TBC1D5: variants seen among roughly 807,000 people sequenced by gnomAD.
The protein encoded by TBC1D5 is TBC1 domain family, member 5.
TBC1D5 carries 75 observed loss-of-function variants against 100.3 expected under a neutral mutation model. The ratio of observed to expected loss-of-function variants is 0.75; its 90% CI spans 0.62 to 0.91. TBC1D5 has a LOEUF of 0.91. Among genes scored for constraint, TBC1D5 ranks in the 40% least tolerant of loss-of-function variants. The pLI is 0.00. For synonymous variants in TBC1D5, 323 were observed against 325.6 expected (o/e 0.99, Z 0.09); for missense variants, 910 against 942.4 (o/e 0.97, Z 0.45).
At chr3:17,413,895 A>G (rs1403202497) in intron 4 of TBC1D5, among the ~76,000 whole-genome samples, 2 of 152,224 alleles carry the variant, frequency 1.3e-5, no homozygotes, top group Admixed American at 1.3e-4. Context: ...AAGACTGAAG[A>G]TCTCTAATCA....
intron 8 of TBC1D5, among the ~76,000 whole-genome samples, chr3:17,389,095 C>G (rs1004622058): frequency 6.6e-6 from 1 of 152,046 alleles, no homozygotes; most frequent in African/African-American, 2.4e-5. Context: ...TCCTTCTTCT[C>G]TTTTTTATCT....
At chr3:17,422,895 T>C (rs1474715440) in intron 4 of TBC1D5, among the ~76,000 whole-genome samples, 1 of 152,190 alleles carries the variant, frequency 6.6e-6, no homozygotes, top group African/African-American at 2.4e-5. Context: ...CATACAAATC[T>C]TTGTGCCAAA....
chr3:17,230,741 T>C (rs2148878427), intron 17 of TBC1D5, among the ~76,000 whole-genome samples: 1 of 152,274 alleles, frequency 6.6e-6, no homozygotes, highest in South Asian at 2.1e-4. Context: ...CTAAAATTCT[T>C]TCCTAATGGT....
intron 13 of TBC1D5, among the ~76,000 whole-genome samples, chr3:17,334,901 T>G (rs550473531): frequency 6.6e-5 from 10 of 152,242 alleles, no homozygotes; most frequent in Admixed American, 2.0e-4. Flanking sequence ...AACATTATAC[T>G]CAATTTTGGG....
At chr3:17,166,894 T>G in exon 21 of TBC1D5, 1 of 1,613,468 alleles carries the variant, frequency 6.2e-7, no homozygotes, top group Non-Finnish European at 8.5e-7. Flanking sequence ...CTGGCTCTGG[T>G]TAAAACGCAG....
At chr3:17,241,019 T>C (rs2076264168) in intron 16 of TBC1D5, among the ~76,000 whole-genome samples, 1 of 152,164 alleles carries the variant, frequency 6.6e-6, no homozygotes, top group African/African-American at 2.4e-5. Flanking sequence ...CATTTTTTTG[T>C]GTGTTTTTAA....
intron 15 of TBC1D5, among the ~76,000 whole-genome samples, chr3:17,263,512 T>C (rs1018301319): frequency 1.8e-4 from 27 of 152,198 alleles, no homozygotes; most frequent in African/African-American, 6.3e-4. Context: ...AAATAAGTCT[T>C]TCACAAGATT....
chr3:17,572,448 C>T (rs2096633351), intron 2 of TBC1D5, among the ~76,000 whole-genome samples: 1 of 151,980 alleles, frequency 6.6e-6, no homozygotes, highest in Non-Finnish European at 1.5e-5. Context: ...CTCTCTCTCT[C>T]CCTTCTGGGC....
intron 3 of TBC1D5, among the ~76,000 whole-genome samples, chr3:17,462,493 A>AT (rs1241704534): frequency 6.6e-6 from 1 of 151,566 alleles, no homozygotes; most frequent in Non-Finnish European, 1.5e-5. Flanking sequence ...GCTAATTTTT[A>AT]TTTTTTTGTA....
chr3:17,365,641 A>G (rs545880333), intron 13 of TBC1D5, among the ~76,000 whole-genome samples: 1 of 152,224 alleles, frequency 6.6e-6, no homozygotes, highest in East Asian at 1.9e-4. Flanking sequence ...TGTGGACCTT[A>G]GGCTCTCCAG....
Position 17,399,249 on chromosome 3 carries a change from A to G in TBC1D5, c.509+3932T>C, listed in dbSNP as rs544113065. 9.2e-5 allele frequency among the ~76,000 whole-genome samples: 14 copies of G among 152,248 alleles called. No individual in the cohort carries two copies. The South Asian group carries it at 1.7e-3, about 18-fold the overall frequency. On this transcript the variant is annotated intron_variant, in intron 8 of 21. Coordinates refer to ENST00000253692, the Ensembl canonical transcript of TBC1D5. ...TCTGGATTAGGCAAATAGAGTGATTATAAATCTGCTTTGAGTAGAGTGATT... is the reference window on the plus strand; with the variant it reads ...TCTGGATTAGGCAAATAGAGTGATTGTAAATCTGCTTTGAGTAGAGTGATT...
At chr3:17,715,087 T>C (rs1318364782) in intron 1 of TBC1D5, among the ~76,000 whole-genome samples, 3 of 152,256 alleles carry the variant, frequency 2.0e-5, no homozygotes, top group African/African-American at 4.8e-5. Flanking sequence ...ATTTGTAAAG[T>C]AGATCTTATT....
chr3:17,191,379 T>C (rs75332206), intron 18 of TBC1D5, among the ~76,000 whole-genome samples: 3,829 of 152,288 alleles, frequency 0.025, 149 homozygotes, highest in African/African-American at 0.085. Flanking sequence ...GCTTAGGACA[T>C]GGTAAACACT....
chr3:17,232,268 T>C (rs1425900594), intron 17 of TBC1D5, among the ~76,000 whole-genome samples: 2 of 152,174 alleles, frequency 1.3e-5, no homozygotes, highest in Non-Finnish European at 2.9e-5. Context: ...TCCATAGGTA[T>C]AAATTGGGCT....
chr3:17,374,207 T>C (rs993489097), intron 12 of TBC1D5, among the ~76,000 whole-genome samples: 1 of 151,974 alleles, frequency 6.6e-6, no homozygotes, highest in Non-Finnish European at 1.5e-5. Context: ...TATAATAATT[T>C]TGTAACGAAG....
chr3:17,732,499 A>G (rs1363569150), intron 1 of TBC1D5, among the ~76,000 whole-genome samples: 1 of 152,022 alleles, frequency 6.6e-6, no homozygotes, highest in African/African-American at 2.4e-5. Flanking sequence ...CGGATGGATC[A>G]CCTGAGGTCG....
At chr3:17,161,572 T>C (rs1016603428) in intron 21 of TBC1D5, among the ~76,000 whole-genome samples, 8 of 152,240 alleles carry the variant, frequency 5.3e-5, no homozygotes, top group African/African-American at 9.6e-5. Context: ...GCTCAGGAGA[T>C]GGCCAATAGG....
rs759767591 is a variant in TBC1D5, at chr3:17,208,121, G to A, written c.1752+6086C>T. ...CGAAAGCAAATTGGATCCATGTATG[G>A]TAGGTACCCAGTCATAGGTTCTGGT... On this transcript the variant is annotated intron_variant, in intron 18 of 21. Transcript: ENST00000253692. Among the ~76,000 whole-genome samples, 25 of 152,228 alleles carry A rather than the reference G, an allele frequency of 1.6e-4. 1 individual carries two copies. Among genetic ancestry groups the A allele is most frequent in the Non-Finnish European group, 2.9e-4 (20 of 68,040 alleles).
chr3:17,459,156 G>A (rs751255177), intron 3 of TBC1D5, among the ~76,000 whole-genome samples: 1 of 152,188 alleles, frequency 6.6e-6, no homozygotes, highest in Non-Finnish European at 1.5e-5. Context: ...GTAAGATAAA[G>A]ACTTTATACC....
Sources: gnomAD v4.1 joint callset for allele counts (sites outside exome capture counted in the v4.1 genomes callset) on GRCh38, gnomAD v4.1.1 for gene constraint, MANE v1.5 for transcripts, NCBI Gene and HGNC (gene_info 2026-07-23, HGNC 2026-07-21) for gene names.